Variants in CCNI observed in about 807,000 individuals in gnomAD.
CCNI encodes the protein cyclin I, also known as cyclin-I.
In CCNI, 14 loss-of-function variants were observed where a neutral mutation model predicts 34.1. The ratio of observed to expected loss-of-function variants is 0.41; its 90% CI spans 0.27 to 0.64. CCNI has a LOEUF of 0.64. Ranked by LOEUF, CCNI falls within the 30% of genes least tolerant of loss-of-function variation. CCNI has a pLI of 0.31. For synonymous variants in CCNI, 154 were observed against 158.4 expected, an observed-to-expected ratio of 0.97 and a Z score of 0.21; for missense variants, 385 against 440.5, an observed-to-expected ratio of 0.87 and a Z score of 1.13.
At chr4:77,068,865 C>G (rs1729244516) in intron 1 of CCNI, among the ~76,000 whole-genome samples, 2 of 152,134 alleles carry the variant, frequency 1.3e-5, no homozygotes, top group Admixed American at 6.5e-5. Context: ...TACCTATTTG[C>G]TTCTCAACTT....
chr4:77,048,666 G>C lies in CCNI; in HGVS notation c.691-4C>G, dbSNP rs375385241. 3.3e-6 allele frequency: 5 copies of C among 1,508,972 alleles called. No homozygotes were observed. In the African/African-American group the frequency reaches 7.2e-5, roughly 22 times the overall value. 93.5% of individuals were successfully genotyped at this position (1,508,972 alleles called of 1,614,324 possible). ...GGATCAACTGGGAGCTATCCATCTG[G>C]GCCAGGAAAAAAAAAAAGCCACACA... On this transcript the variant is annotated splice_region_variant and splice_polypyrimidine_tract_variant and intron_variant, in intron 6 of 6. Transcript: ENST00000237654.
At chr4:77,051,432 C>G (rs1052963159) in intron 6 of CCNI, among the ~76,000 whole-genome samples, 1 of 152,132 alleles carries the variant, frequency 6.6e-6, no homozygotes, top group African/African-American at 2.4e-5. Flanking sequence ...TATAATCTTT[C>G]TGTGTGAAAA....
At chr4:77,059,915 T>C (rs1380059842) in intron 2 of CCNI, among the ~76,000 whole-genome samples, 5 of 152,170 alleles carry the variant, frequency 3.3e-5, no homozygotes, top group African/African-American at 1.2e-4. Flanking sequence ...AAAGTAATGT[T>C]AACTAAGCCA....
At chr4:77,061,790 C>T (rs1477820375) in intron 2 of CCNI, among the ~76,000 whole-genome samples, 1 of 152,192 alleles carries the variant, frequency 6.6e-6, no homozygotes, top group Non-Finnish European at 1.5e-5. Flanking sequence ...CTGCCTCAGC[C>T]TCCTGGGTAG....
intron 6 of CCNI, among the ~76,000 whole-genome samples, chr4:77,050,881 T>C (rs1229269071): frequency 6.6e-6 from 1 of 150,400 alleles, no homozygotes; most frequent in Non-Finnish European, 1.5e-5. Context: ...AAAAAGGGGC[T>C]ATAGTGTAGA....
intron 1 of CCNI, among the ~76,000 whole-genome samples, chr4:77,069,088 T>A (rs996649940): frequency 6.6e-6 from 1 of 152,192 alleles, no homozygotes; most frequent in Non-Finnish European, 1.5e-5. Context: ...TTTAATCATG[T>A]CATAAAGCAG....
Position 77,048,038 on chromosome 4 carries a change from C to G in CCNI, c.*181G>C, listed in dbSNP as rs1314493766. The G allele has an allele frequency of 2.3e-6, 1 of 429,332 alleles. No individual in the cohort carries two copies. The allele number at this position is 429,332 out of a possible 1,614,324, so 26.6% of individuals were successfully genotyped here. A position where few individuals can be genotyped will look rare whatever the true frequency, so the allele number is the denominator to read the frequency against. ...TTTTTTTTTTTTTGGTCTTTATGTG[C>G]TTAAATAACGCTGAATTATAATTAG... On this transcript the variant is annotated 3_prime_UTR_variant, in exon 7 of 7. Coordinates refer to ENST00000237654, the MANE Select transcript of CCNI (RefSeq NM_006835.3).
chr4:77,068,207 T>C (rs1027119566), intron 1 of CCNI, among the ~76,000 whole-genome samples: 1 of 151,862 alleles, frequency 6.6e-6, no homozygotes, highest in Non-Finnish European at 1.5e-5. Context: ...CAAAAAAGAA[T>C]GTGAAAAGGC....
chr4:77,062,388 G>A lies in CCNI; in HGVS notation c.115-3753C>T, dbSNP rs116436787. Among the ~76,000 whole-genome samples the A allele has an allele frequency of 2.9e-3, 434 of 152,238 alleles. 1 individual carries two copies. The highest frequency in any genetic ancestry group is 1.0e-2 in the African/African-American group (414 of 41,542). ...TTGAAACTAGCCTGGGTAACACAGT[G>A]AGACTTCATCTCCACAAATAAAAAA... On this transcript the variant is annotated intron_variant, in intron 2 of 6. Coordinates refer to ENST00000237654, the MANE Select transcript of CCNI (RefSeq NM_006835.3).
chr4:77,068,848 C>T (rs1729242995), intron 1 of CCNI, among the ~76,000 whole-genome samples: 2 of 152,290 alleles, frequency 1.3e-5, no homozygotes, highest in South Asian at 4.1e-4. Context: ...TACCACTCCA[C>T]ATATGCTACC....
chr4:77,075,620 G>A lies in CCNI; in HGVS notation c.-192C>T, dbSNP rs551476015. The A allele has an allele frequency of 3.1e-5, 30 of 963,688 alleles. No individual in the cohort carries two copies. In the Admixed American group the frequency reaches 1.3e-3, roughly 42 times the overall value. The allele number at this position is 963,688 out of a possible 1,614,324, so 59.7% of individuals were successfully genotyped here. ...CGGGACGACTCGGCCAACTGAGGAG[G>A]GAGAAAGGGGAAGCGGATCGGGGGG... On this transcript the variant is annotated 5_prime_UTR_variant, in exon 1 of 7. Transcript: ENST00000237654.
chr4:77,059,688 T>C (rs1439339080), intron 2 of CCNI, among the ~76,000 whole-genome samples: 1 of 152,144 alleles, frequency 6.6e-6, no homozygotes, highest in Non-Finnish European at 1.5e-5. Context: ...ATAGTAAGCC[T>C]ACAATGGTAT....
chr4:77,075,485 TC>T lies in CCNI; in HGVS notation c.-58del. 1 of 812,046 alleles carries T rather than the reference TC, an allele frequency of 1.2e-6. No individual in the cohort carries two copies. The highest frequency in any genetic ancestry group is 1.9e-5 in the African/African-American group (1 of 53,350). 50.3% of individuals were successfully genotyped at this position (812,046 alleles called of 1,614,324 possible). Reference sequence around the variant, plus strand: ...CCCGCCCCTCACCTTCTCCTCCTCTTCCTCCTCCTCCTCCTCCCCGGCAGAG... The same window carrying T: ...CCCGCCCCTCACCTTCTCCTCCTCTTCTCCTCCTCCTCCTCCCCGGCAGAG... On this transcript the variant is annotated 5_prime_UTR_variant, in exon 1 of 7. It introduces an in-frame stop codon into an upstream open reading frame of the 5' UTR. Coordinates refer to ENST00000237654, the MANE Select transcript of CCNI (RefSeq NM_006835.3).
At chr4:77,075,294 G>T (rs1006984397) in intron 1 of CCNI, 178 bp downstream of exon 1, 2 of 153,528 alleles carry the variant, frequency 1.3e-5, no homozygotes, top group Non-Finnish European at 1.4e-5. Context: ...CGGAGAGGAC[G>T]AAGAGGGCGG....
At chr4:77,071,436 T>C (rs917495503) in intron 1 of CCNI, among the ~76,000 whole-genome samples, 9 of 152,108 alleles carry the variant, frequency 5.9e-5, no homozygotes, top group African/African-American at 2.2e-4. Context: ...TCTTCCACCT[T>C]AAGGTAATGG....
At chr4:77,073,395 T>C (rs1002206252) in intron 1 of CCNI, among the ~76,000 whole-genome samples, 1 of 152,214 alleles carries the variant, frequency 6.6e-6, no homozygotes, top group Non-Finnish European at 1.5e-5. Context: ...GTATACAATA[T>C]AAACAACTTC....
chr4:77,064,574 T>TGC (rs771843830), intron 2 of CCNI: 17,314 of 128,610 alleles, frequency 0.13, 1,084 homozygotes, highest in East Asian at 0.21. Context: ...AAATCACACA[T>TGC]GCGCGCGCGC....
intron 1 of CCNI, among the ~76,000 whole-genome samples, chr4:77,069,417 C>A (rs960902233): frequency 6.6e-6 from 1 of 150,380 alleles, no homozygotes. Context: ...GTCACATCTG[C>A]CAATATCATT....
At chr4:77,060,032 G>A (rs750775525) in intron 2 of CCNI, among the ~76,000 whole-genome samples, 1 of 151,934 alleles carries the variant, frequency 6.6e-6, no homozygotes, top group Non-Finnish European at 1.5e-5. Context: ...ATGACTTACA[G>A]TAGCTATGAA....
Sources: allele counts gnomAD v4.1 joint callset (sites outside exome capture counted in the v4.1 genomes callset), GRCh38; gene constraint gnomAD v4.1.1; transcripts MANE v1.5; gene names NCBI Gene and HGNC (gene_info 2026-07-23, HGNC 2026-07-21).